The following COL4A3 variants were observed in gnomAD, a reference collection of about 807,000 sequenced individuals.
COL4A3 encodes the protein collagen alpha-3(IV) chain.
Under a neutral mutation model 217.4 loss-of-function variants are expected in COL4A3, and 135 were observed. That is an observed-to-expected ratio of 0.62 (90% CI 0.54 to 0.72). COL4A3 has a LOEUF of 0.72. Among genes scored for constraint, COL4A3 ranks in the 30% least tolerant of loss-of-function variants. The pLI is 0.00. For missense variants in COL4A3, 1,868 were observed against 2,119.9 expected (o/e 0.88, Z 2.33); for synonymous variants, 690 against 736.3 (o/e 0.94, Z 1.02).
intron 1 of COL4A3, among the ~76,000 whole-genome samples, chr2:227,172,581 CTTTTTTTTTTTT>C (rs11315628): frequency 0.01 from 773 of 73,638 alleles, 19 homozygotes; most frequent in African/African-American, 0.039. Context: ...TCGTCTTCTT[CTTTTTTTTTTTT>C]TTTTTTTTTT....
intron 15 of COL4A3, 101 bp from the exon 16 acceptor site, chr2:227,255,925 C>A: frequency 8.3e-7 from 1 of 1,197,754 alleles, no homozygotes; most frequent in Non-Finnish European, 1.2e-6. Flanking sequence ...GCTTTTCATG[C>A]CTGAGGTCAA....
chr2:227,194,546 G>T (rs2066396195), intron 1 of COL4A3, among the ~76,000 whole-genome samples: 1 of 152,204 alleles, frequency 6.6e-6, no homozygotes, highest in Non-Finnish European at 1.5e-5. Flanking sequence ...GGTCCTCATG[G>T]TCAGCCCCTT....
chr2:227,223,568 A>ACCCCG (rs1559841544), intron 1 of COL4A3, among the ~76,000 whole-genome samples: 14 of 151,468 alleles, frequency 9.2e-5, no homozygotes, highest in Admixed American at 5.9e-4. Flanking sequence ...ACGCCCCCCC[A>ACCCCG]ACTCTACTAA....
intron 14 of COL4A3, 90 bp downstream of exon 14, chr2:227,254,264 T>C: frequency 8.1e-7 from 1 of 1,234,958 alleles, no homozygotes; most frequent in African/African-American, 1.5e-5. Context: ...AAGTTGTTTT[T>C]TTTTTTAAAG....
chr2:227,193,550 A>G (rs1247075507), intron 1 of COL4A3, among the ~76,000 whole-genome samples: 1 of 152,164 alleles, frequency 6.6e-6, no homozygotes, highest in East Asian at 1.9e-4. Flanking sequence ...CATCTCTACT[A>G]AAAATACAAA....
At chr2:227,218,080 CTATATA>C (rs10606625) in intron 1 of COL4A3, among the ~76,000 whole-genome samples, 8 of 118,356 alleles carry the variant, frequency 6.8e-5, no homozygotes, top group South Asian at 5.0e-4. Flanking sequence ...ATATATATAG[CTATATA>C]TATATATATA....
At chr2:227,311,448 G>C (rs2073737850) in intron 51 of COL4A3, among the ~76,000 whole-genome samples, 1 of 151,578 alleles carries the variant, frequency 6.6e-6, no homozygotes, top group Non-Finnish European at 1.5e-5. Context: ...GGCGCGACCT[G>C]GGCTCACTAG....
chr2:227,270,149 G>A (rs2071154610), intron 24 of COL4A3, among the ~76,000 whole-genome samples, 169 bp downstream of exon 24: 1 of 152,186 alleles, frequency 6.6e-6, no homozygotes, highest in Non-Finnish European at 1.5e-5. Context: ...ATGAGTCAAT[G>A]AATTTATAAA....
rs2069901446 is a variant in COL4A3, at chr2:227,253,321, G to A, written c.671G>A (p.Gly224Glu). 5 of 1,613,792 alleles carry A rather than the reference G, an allele frequency of 3.1e-6. No homozygotes were observed. The highest frequency in any genetic ancestry group is 2.2e-5 in the South Asian group (2 of 91,062). ...GGTCACATGGGTGAAAGAGTGATAG[G>A]ACATAAAGGAGAGCGGGTAATTTAA... ...PKGHMGERVI[G>E]HKGERGVKGL... Residue 224 changes from glycine to glutamate, a missense_variant, in exon 12 of 52, where the codon GGA becomes GAA. Transcript: ENST00000396578. This position sits in a 1 kb window ranked among gnomAD's most constrained non-coding sequence, Gnocchi z 4.4.
chr2:227,191,442 A>G lies in COL4A3; in HGVS notation c.87+26629A>G, dbSNP rs918271068. 6.6e-6 allele frequency among the ~76,000 whole-genome samples: 1 copy of G among 152,230 alleles called. No homozygotes were observed. Among genetic ancestry groups the G allele is most frequent in the African/African-American group, 2.4e-5 (1 of 41,454 alleles). The stretch of plus-strand genomic sequence containing the variant: ...TAAGAAGTGTTTTGAAAAGCAGTTC[A>G]CAAAATCACTCTTTACCAGCCACAT... On this transcript the variant is annotated intron_variant, in intron 1 of 51. Coordinates refer to ENST00000396578, the MANE Select transcript of COL4A3 (RefSeq NM_000091.5). The surrounding 1 kb of genome is among the most constrained non-coding windows in gnomAD (Gnocchi z 6.8).
intron 41 of COL4A3, among the ~76,000 whole-genome samples, chr2:227,296,892 G>A (rs955909410): frequency 6.6e-5 from 10 of 152,210 alleles, no homozygotes; most frequent in Admixed American, 1.3e-4. Flanking sequence ...TCTATCTTCC[G>A]TTTTCATGCC....
In COL4A3 at chr2:227,219,474, G is replaced by GCTTT. The variant is rs1376183531; in HGVS notation, c.88-18490_88-18487dup. Among the ~76,000 whole-genome samples the GCTTT allele has an allele frequency of 2.6e-5, 4 of 152,180 alleles. No individual in the cohort carries two copies. In the South Asian group the frequency reaches 8.3e-4, roughly 32 times the overall value. ...AAAGACTTTTGTTAATTCCCCCTTGGCTTTCTTGTCTATCTGCTTCTAAGA... is the reference window on the plus strand; with the variant it reads ...AAAGACTTTTGTTAATTCCCCCTTGGCTTTCTTTCTTGTCTATCTGCTTCTAAGA... On this transcript the variant is annotated intron_variant, in intron 1 of 51. Transcript: ENST00000396578.
At chr2:227,204,976 T>G (rs2067045657) in intron 1 of COL4A3, among the ~76,000 whole-genome samples, 2 of 152,226 alleles carry the variant, frequency 1.3e-5, no homozygotes, top group South Asian at 4.1e-4. Context: ...AAAACAGGAT[T>G]CGTATGTCTT....
intron 1 of COL4A3, among the ~76,000 whole-genome samples, chr2:227,204,953 A>G (rs956490819): frequency 1.3e-5 from 2 of 152,234 alleles, no homozygotes; most frequent in African/African-American, 4.8e-5. Flanking sequence ...TGCAGGTGCA[A>G]CAGCGGTGAT....
intron 1 of COL4A3, among the ~76,000 whole-genome samples, chr2:227,181,287 C>T (rs898088750): frequency 8.5e-5 from 13 of 152,124 alleles, no homozygotes; most frequent in Admixed American, 5.9e-4. Context: ...TCCATTAATG[C>T]GTAGTTGGCT....
chr2:227,177,098 C>T (rs1427647044), intron 1 of COL4A3, among the ~76,000 whole-genome samples: 1 of 151,460 alleles, frequency 6.6e-6, no homozygotes, highest in African/African-American at 2.4e-5. Flanking sequence ...CTGCTTTTTC[C>T]TCCTAACAAC....
At chr2:227,286,712 C>T (rs2072349442) in intron 34 of COL4A3, among the ~76,000 whole-genome samples, 1 of 152,116 alleles carries the variant, frequency 6.6e-6, no homozygotes, top group Non-Finnish European at 1.5e-5. Flanking sequence ...GTCAGTGAAA[C>T]CTCCATAAAA....
intron 1 of COL4A3, among the ~76,000 whole-genome samples, chr2:227,235,136 G>C (rs2068620328): frequency 6.7e-6 from 1 of 149,364 alleles, no homozygotes; most frequent in Non-Finnish European, 1.5e-5. Flanking sequence ...TCGGGGGTGG[G>C]AGGGGGCACT....
At chr2:227,271,059 C>T in intron 25 of COL4A3, 107 bp downstream of exon 25, 1 of 955,360 alleles carries the variant, frequency 1.0e-6, no homozygotes. Flanking sequence ...CAGTTCATCA[C>T]TCTAACTGCA....
Sources: gnomAD v4.1 joint callset for allele counts (sites outside exome capture counted in the v4.1 genomes callset) on GRCh38, gnomAD v4.1.1 for gene constraint, Gnocchi (gnomAD v3.1) non-coding constraint, MANE v1.5 for transcripts, NCBI Gene and HGNC (gene_info 2026-07-23, HGNC 2026-07-21) for gene names.